The following MYO18B variants were observed in gnomAD, a reference collection of about 807,000 sequenced individuals.
MYO18B encodes unconventional myosin-XVIIIb.
Under a neutral mutation model 273.0 loss-of-function variants are expected in MYO18B, and 204 were observed. The ratio of observed to expected loss-of-function variants is 0.75; its 90% CI spans 0.67 to 0.84. The LOEUF (loss-of-function observed/expected upper bound fraction) is 0.84, where lower values mean the gene tolerates loss of function less well. Among genes scored for constraint, MYO18B ranks in the 40% least tolerant of loss-of-function variants. MYO18B has a pLI of 0.00. For synonymous variants in MYO18B, 1,330 were observed against 1,305.7 expected (o/e 1.02, Z -0.40); for missense variants, 3,212 against 3,287.6 (o/e 0.98, Z 0.56).
At chr22:25,918,991 C>T (rs1194495227) in intron 33 of MYO18B, among the ~76,000 whole-genome samples, 1 of 152,208 alleles carries the variant, frequency 6.6e-6, no homozygotes, top group Non-Finnish European at 1.5e-5. Context: ...TCTTTCATAT[C>T]AGTTGTTCCT....
intron 1 of MYO18B, among the ~76,000 whole-genome samples, chr22:25,745,850 C>T (rs192494107): frequency 1.3e-5 from 2 of 152,282 alleles, no homozygotes; most frequent in East Asian, 1.9e-4. Context: ...GTTTCAATTT[C>T]ATGGAGGGCA....
intron 12 of MYO18B, among the ~76,000 whole-genome samples, chr22:25,802,062 A>G (rs1300802777): frequency 6.6e-6 from 1 of 152,216 alleles, no homozygotes. Flanking sequence ...ATTCAATCCT[A>G]CAAGACTGTC....
chr22:25,937,586 T>C (rs35182149), intron 34 of MYO18B, among the ~76,000 whole-genome samples: 50,532 of 140,480 alleles, frequency 0.36, 9,019 homozygotes, highest in African/African-American at 0.46. Flanking sequence ...CCTGACATTC[T>C]TTTTTTTTTT....
At chr22:25,850,340 G>C (rs1285830020) in intron 20 of MYO18B, among the ~76,000 whole-genome samples, 1 of 152,050 alleles carries the variant, frequency 6.6e-6, no homozygotes, top group Non-Finnish European at 1.5e-5. Context: ...TTTGGGACCT[G>C]GTCTCTGCTC....
chr22:25,848,165 T>C lies in MYO18B; in HGVS notation c.3775+513T>C, dbSNP rs749595654. Among the ~76,000 whole-genome samples the C allele has an allele frequency of 1.1e-4, 17 of 152,332 alleles. No individual in the cohort carries two copies. In the Middle Eastern group the frequency reaches 0.01, roughly 91 times the overall value. On this transcript the variant is annotated intron_variant, in intron 20 of 43. Coordinates refer to ENST00000335473, the MANE Select transcript of MYO18B (RefSeq NM_032608.7). ...CATTGTCTTGCAACAGAGGGTGGAA[T>C]TCCTGTGATGAGTGATATTTTGATG...
chr22:26,053,426 A>G, the MYO18B span, among the ~76,000 whole-genome samples: 3 of 152,350 alleles, frequency 2.0e-5, no homozygotes, highest in East Asian at 3.9e-4. Context: ...TCCTGGCCTC[A>G]TGGCTGGTGC....
At position 25,777,653 on chromosome 22, in the gene MYO18B, T is replaced by C. The variant is rs1470454683; in HGVS notation, c.1940T>C (p.Leu647Pro). ...GSMAQRAYWA[L>P]LNQRRDQSIV... is the part of the protein sequence containing the mutation. The stretch of plus-strand genomic sequence containing the variant: ...ATGGCACAGCGGGCATACTGGGCGC[T>C]GCTGAACCAGCGGAGAGACCAGAGC... Residue 647 changes from leucine to proline, a missense_variant, in exon 8 of 44, where the codon CTG (leucine) becomes CCG (proline). Coordinates refer to ENST00000335473, the MANE Select transcript of MYO18B (RefSeq NM_032608.7). 2 of 1,612,956 alleles carry C rather than the reference T, an allele frequency of 1.2e-6. No individual in the cohort carries two copies. Among genetic ancestry groups the C allele is most frequent in the Admixed American group, 1.7e-5 (1 of 59,932 alleles).
intron 4 of MYO18B, 105 bp downstream of exon 4, chr22:25,769,533 G>A (rs1186332645): frequency 3.4e-5 from 37 of 1,094,478 alleles, no homozygotes; most frequent in Non-Finnish European, 4.7e-5. Context: ...GTGGACGGGG[G>A]GTGGGCAGGG....
chr22:25,781,240 G>A (rs982565210), intron 9 of MYO18B, among the ~76,000 whole-genome samples: 2 of 152,236 alleles, frequency 1.3e-5, no homozygotes, highest in Admixed American at 6.5e-5. Flanking sequence ...CTCTGAATTA[G>A]TGAGACAAAG....
chr22:25,826,634 A>T, intron 14 of MYO18B, 135 bp downstream of exon 14: 1 of 701,116 alleles, frequency 1.4e-6, no homozygotes, highest in Admixed American at 2.9e-5. Flanking sequence ...GCTGGGTTTA[A>T]CTTCTACCTT....
At chr22:25,945,711 C>T (rs566729852) in intron 34 of MYO18B, among the ~76,000 whole-genome samples, 4 of 92,644 alleles carry the variant, frequency 4.3e-5, no homozygotes, top group South Asian at 4.4e-4. Context: ...CCTCTCCCCT[C>T]GCCTCCCCTC....
intron 12 of MYO18B, among the ~76,000 whole-genome samples, chr22:25,815,314 G>A (rs561067261): frequency 6.6e-6 from 1 of 152,306 alleles, no homozygotes; most frequent in Non-Finnish European, 1.5e-5. Context: ...CAGGCAAGTC[G>A]TGCATAGACT....
chr22:25,821,303 C>CTT (rs59356967), intron 12 of MYO18B, among the ~76,000 whole-genome samples: 3,247 of 144,652 alleles, frequency 0.022, 136 homozygotes, highest in African/African-American at 0.075. Context: ...CTAAGAGTTC[C>CTT]TTTTTTTTTT....
intron 43 of MYO18B, among the ~76,000 whole-genome samples, chr22:26,028,023 C>T (rs1271479268): frequency 2.6e-5 from 4 of 152,164 alleles, no homozygotes; most frequent in East Asian, 1.9e-4. Context: ...GCGGGTGGAT[C>T]ACCTAAGGTC....
At chr22:25,882,694 T>G (rs2091375943) in intron 25 of MYO18B, among the ~76,000 whole-genome samples, 1 of 152,192 alleles carries the variant, frequency 6.6e-6, no homozygotes, top group Non-Finnish European at 1.5e-5. Flanking sequence ...CACTTCATCT[T>G]CCCCAACTTC....
chr22:26,004,607 T>C, intron 41 of MYO18B, 111 bp from the exon 42 acceptor site: 1 of 1,263,566 alleles, frequency 7.9e-7, no homozygotes, highest in Non-Finnish European at 1.1e-6. Context: ...AGTGAGGTTA[T>C]GCAGGTATAT....
intron 42 of MYO18B, among the ~76,000 whole-genome samples, chr22:26,012,484 G>T (rs939951719): frequency 6.6e-5 from 10 of 152,210 alleles, no homozygotes; most frequent in Non-Finnish European, 5.9e-5. Flanking sequence ...GTATTAGGAA[G>T]ATTAGTGGAA....
rs1233042579 is a variant in MYO18B at position 26,030,808 on chromosome 22, CT to C, written c.*379del. 1.3e-5 allele frequency: 5 copies of C among 397,478 alleles called. No homozygotes were observed. The highest frequency in any genetic ancestry group is 2.2e-5 in the Non-Finnish European group (5 of 225,666). 24.6% of individuals were successfully genotyped at this position (397,478 alleles called of 1,614,324 possible). On this transcript the variant is annotated 3_prime_UTR_variant, in exon 44 of 44. Transcript: ENST00000335473. ...TCTACATGCCATGACCTTCCTCCTC[CT>C]CTTCACTTGGCCAGTTTCAGCTCAC... is the stretch of plus-strand genomic sequence containing the variant.
At chr22:25,841,269 T>TGA (rs2090074138) in intron 17 of MYO18B, among the ~76,000 whole-genome samples, 1 of 152,026 alleles carries the variant, frequency 6.6e-6, no homozygotes, top group Non-Finnish European at 1.5e-5. Flanking sequence ...TCTGAAGCTG[T>TGA]GAGAGAGATA....
Sources: allele counts gnomAD v4.1 joint callset (sites outside exome capture counted in the v4.1 genomes callset), GRCh38; gene constraint gnomAD v4.1.1; transcripts MANE v1.5; gene names NCBI Gene and HGNC (gene_info 2026-07-23, HGNC 2026-07-21).